Variants in PACSIN2 observed in about 807,000 individuals in gnomAD.
The protein encoded by PACSIN2 is protein kinase C and casein kinase substrate in neurons 2.
A neutral mutation model predicts 63.8 loss-of-function variants in PACSIN2; 25 were observed. The ratio of observed to expected loss-of-function variants is 0.39; its 90% confidence interval spans 0.29 to 0.55. PACSIN2 has a LOEUF of 0.55. PACSIN2 is among the 20% of genes least tolerant of loss of function. The pLI, the probability that PACSIN2 is intolerant of heterozygous loss-of-function variation, is 0.62. For synonymous variants in PACSIN2, 255 were observed against 256.2 expected (o/e 1.00, Z 0.05); for missense variants, 518 against 646.9 (o/e 0.80, Z 2.16).
chr22:43,010,575 C>T (rs191599875), intron 1 of PACSIN2, among the ~76,000 whole-genome samples: 1 of 151,640 alleles, frequency 6.6e-6, no homozygotes, highest in African/African-American at 2.4e-5. Flanking sequence ...CCAAGTGTGG[C>T]GGCGGGCGCC....
intron 1 of PACSIN2, among the ~76,000 whole-genome samples, chr22:42,985,466 A>G (rs972132162): frequency 2.0e-5 from 3 of 152,142 alleles, no homozygotes; most frequent in African/African-American, 7.2e-5. Context: ...GTGGCCCCCC[A>G]CTGGCCTCAC....
chr22:42,900,601 T>G (rs961383237), intron 2 of PACSIN2, among the ~76,000 whole-genome samples: 27 of 152,064 alleles, frequency 1.8e-4, no homozygotes, highest in Admixed American at 7.9e-4. Flanking sequence ...AGCCTCCGAG[T>G]AGCTGGGACC....
intron 1 of PACSIN2, among the ~76,000 whole-genome samples, chr22:42,977,249 C>A (rs1407729710): frequency 6.6e-6 from 1 of 152,014 alleles, no homozygotes; most frequent in African/African-American, 2.4e-5. Context: ...TAAAAACAAA[C>A]TATAGAAACA....
intron 5 of PACSIN2, among the ~76,000 whole-genome samples, chr22:42,886,668 T>C (rs1031914610): frequency 2.0e-5 from 3 of 152,174 alleles, no homozygotes; most frequent in African/African-American, 7.2e-5. Flanking sequence ...GGTCTCACTA[T>C]GTTTCCCAGG....
intron 1 of PACSIN2, among the ~76,000 whole-genome samples, chr22:42,921,849 C>G (rs1932217829): frequency 6.6e-6 from 1 of 152,074 alleles, no homozygotes; most frequent in Non-Finnish European, 1.5e-5. Context: ...GGCGATTCTC[C>G]TGCCTCAGCC....
chr22:42,920,063 A>G (rs983335900), intron 1 of PACSIN2, among the ~76,000 whole-genome samples: 1 of 151,842 alleles, frequency 6.6e-6, no homozygotes, highest in Non-Finnish European at 1.5e-5. Flanking sequence ...AGCTACGATC[A>G]TACTGCTGCA....
chr22:42,912,750 A>G (rs79264280), intron 1 of PACSIN2, among the ~76,000 whole-genome samples: 1,597 of 152,348 alleles, frequency 0.01, 14 homozygotes, highest in Non-Finnish European at 0.017. Context: ...AAGGACTCCC[A>G]TAAGCACAAA....
At chr22:42,972,747 A>AC (rs1193522498) in intron 1 of PACSIN2, among the ~76,000 whole-genome samples, 1 of 151,726 alleles carries the variant, frequency 6.6e-6, no homozygotes, top group Non-Finnish European at 1.5e-5. Flanking sequence ...CCATGCTTTT[A>AC]CTTTTTTTTT....
At chr22:42,971,105 CTCTCCCTCCACGG>C (rs1244128270) in intron 1 of PACSIN2, among the ~76,000 whole-genome samples, 1 of 152,244 alleles carries the variant, frequency 6.6e-6, no homozygotes, top group East Asian at 1.9e-4. Context: ...CTCCCTCTCC[CTCTCCCTCCACGG>C]TCTCCCTCTG....
intron 1 of PACSIN2, among the ~76,000 whole-genome samples, chr22:42,989,103 T>C (rs1193939989): frequency 6.6e-6 from 1 of 152,140 alleles, no homozygotes; most frequent in Non-Finnish European, 1.5e-5. Flanking sequence ...GGTCTCAAAC[T>C]CCTAGGCTCA....
rs747038769 is a variant in PACSIN2, at chr22:42,884,543, T to G, written c.628A>C (p.Lys210Gln). The change falls in exon 6 of 11, where the codon AAG becomes CAG. Residue 210 changes from lysine (K) to glutamine (Q), a missense_variant. Physicochemically the swap from Lys to Gln is moderately conservative, Grantham distance 53. Transcript: ENST00000263246. ...CCCTGGTCGAGTTCCTTCAGGGACT[T>G]CTCATACTTCTCTTTGGTCTAAAGG... ...DVLKTKEKYE[K>Q]SLKELDQGTP... The G allele has an allele frequency of 1.2e-6, 2 of 1,613,656 alleles. No homozygotes were observed. Among genetic ancestry groups the G allele is most frequent in the East Asian group, 4.5e-5 (2 of 44,884 alleles).
intron 5 of PACSIN2, 133 bp downstream of exon 5, chr22:42,888,510 C>G: frequency 1.2e-6 from 1 of 838,844 alleles, no homozygotes; most frequent in Non-Finnish European, 1.9e-6. Flanking sequence ...TTCTTGAGGA[C>G]AGGGGTGTGT....
chr22:42,959,400 G>C (rs1023412022), intron 1 of PACSIN2, among the ~76,000 whole-genome samples: 4 of 152,170 alleles, frequency 2.6e-5, no homozygotes, highest in Admixed American at 2.6e-4. Context: ...AAAAAATACA[G>C]CTAAAGTATG....
At chr22:42,905,017 G>A (rs977483241) in intron 2 of PACSIN2, among the ~76,000 whole-genome samples, 23 of 152,184 alleles carry the variant, frequency 1.5e-4, no homozygotes, top group African/African-American at 5.3e-4. Context: ...GGAAAAATGT[G>A]TCTCTTAAAC....
chr22:43,009,016 G>A (rs1047964040), intron 1 of PACSIN2, among the ~76,000 whole-genome samples: 2 of 152,020 alleles, frequency 1.3e-5, no homozygotes, highest in East Asian at 3.9e-4. Flanking sequence ...TACAGAAAAG[G>A]TGTTTAGTGA....
chr22:42,899,546 A>C (rs1169449062), intron 2 of PACSIN2, among the ~76,000 whole-genome samples: 1 of 152,192 alleles, frequency 6.6e-6, no homozygotes, highest in Non-Finnish European at 1.5e-5. Flanking sequence ...GGAAAGGCCA[A>C]GTGTGGGCAG....
At chr22:42,957,493 C>T (rs1167793633) in intron 1 of PACSIN2, among the ~76,000 whole-genome samples, 3 of 152,218 alleles carry the variant, frequency 2.0e-5, no homozygotes, top group Non-Finnish European at 2.9e-5. Flanking sequence ...CTGTTCTCAG[C>T]ATACCTGTTT....
intron 1 of PACSIN2, among the ~76,000 whole-genome samples, chr22:42,932,535 T>C (rs1159580664): frequency 6.6e-6 from 1 of 152,108 alleles, no homozygotes; most frequent in African/African-American, 2.4e-5. Flanking sequence ...ACAAGTGAAA[T>C]GGTGGGACAG....
chr22:43,012,653 ATTT>A (rs888300681), intron 1 of PACSIN2, among the ~76,000 whole-genome samples: 1 of 141,544 alleles, frequency 7.1e-6, no homozygotes, highest in South Asian at 2.3e-4. Flanking sequence ...CGCCAGACTA[ATTT>A]TTTTTTTTTT....
Sources: allele counts gnomAD v4.1 joint callset (sites outside exome capture counted in the v4.1 genomes callset), GRCh38; gene constraint gnomAD v4.1.1; transcripts MANE v1.5; gene names NCBI Gene and HGNC (gene_info 2026-07-23, HGNC 2026-07-21).